The following DMRTC2 variants were observed in gnomAD, a reference collection of about 807,000 sequenced individuals.
DMRTC2 encodes doublesex- and mab-3-related transcription factor C2.
DMRTC2 carries 13 observed loss-of-function variants against 39.9 expected under a neutral mutation model. The ratio of observed to expected loss-of-function variants is 0.33; its 90% CI spans 0.21 to 0.52. The LOEUF (loss-of-function observed/expected upper bound fraction) is 0.52, where lower values mean the gene tolerates loss of function less well. Ranked by LOEUF, DMRTC2 falls within the 20% of genes least tolerant of loss-of-function variation. The pLI is 0.96. For synonymous variants in DMRTC2, 189 were observed against 185.2 expected (o/e 1.02, Z -0.17); for missense variants, 431 against 472.8 (o/e 0.91, Z 0.82).
chr19:41,848,384 G>A, intron 3 of DMRTC2, 68 bp from the exon 4 acceptor site: 1 of 1,359,344 alleles, frequency 7.4e-7, no homozygotes, highest in Non-Finnish European at 1.0e-6. Context: ...GATGAGAACT[G>A]TCTGGGGTTG....
chr19:41,852,169 GGA>G lies in DMRTC2; in HGVS notation c.*477_*478del, dbSNP rs2073964856. 6.5e-6 allele frequency: 1 copy of G among 154,600 alleles called. No homozygotes were observed. Among genetic ancestry groups the G allele is most frequent in the Non-Finnish European group, 1.4e-5 (1 of 69,692 alleles). The allele number at this position is 154,600 out of a possible 1,614,324, so 9.6% of individuals were successfully genotyped here. A position where few individuals can be genotyped will look rare whatever the true frequency, so the allele number is the denominator to read the frequency against. ...TTGTTGTTGTAAGCCACTGAGATTT[GGA>G]GAGTGTTACCACAGCCTAACCTAGT... On this transcript the variant is annotated 3_prime_UTR_variant, in exon 9 of 9. Transcript: ENST00000269945.
At chr19:41,847,192 AAAAAAAAAAAAAAG>A (rs1555836137) in intron 1 of DMRTC2, 1 of 933,816 alleles carries the variant, frequency 1.1e-6, no homozygotes, top group Non-Finnish European at 1.3e-6. Context: ...CTCAAAAAAA[AAAAAAAAAAAAAAG>A]AAAGAACACA....
chr19:41,849,350 G>T, intron 6 of DMRTC2, 94 bp downstream of exon 6: 1 of 1,527,926 alleles, frequency 6.5e-7, no homozygotes, highest in Non-Finnish European at 8.8e-7. Context: ...TAATGAAGAT[G>T]AAAAGGTCTC....
intron 6 of DMRTC2, among the ~76,000 whole-genome samples, chr19:41,850,062 A>C (rs760919613): frequency 1.3e-5 from 2 of 151,978 alleles, no homozygotes; most frequent in Non-Finnish European, 2.9e-5. Context: ...CCTAGGTGAC[A>C]GAGCAAGAGC....
intron 1 of DMRTC2, among the ~76,000 whole-genome samples, chr19:41,846,195 G>T (rs2073838229): frequency 6.6e-6 from 1 of 152,120 alleles, no homozygotes; most frequent in African/African-American, 2.4e-5. Context: ...ATTGAAAGGG[G>T]CATAAAACTA....
chr19:41,850,864 T>G, intron 8 of DMRTC2, 164 bp downstream of exon 8: 1 of 663,712 alleles, frequency 1.5e-6, no homozygotes, highest in South Asian at 2.6e-5. Context: ...TTGAGAGTTA[T>G]TCAGTGAATC....
chr19:41,848,495 G>T lies in DMRTC2; in HGVS notation c.414G>T (p.Gly138=). 6.2e-7 allele frequency: 1 copy of T among 1,604,070 alleles called. No individual in the cohort carries two copies. Among genetic ancestry groups the T allele is most frequent in the Non-Finnish European group, 8.5e-7 (1 of 1,175,346 alleles). ...NIAPQPQTPH[G]AVLLAPTPPG... The stretch of plus-strand genomic sequence containing the variant: ...CACCCCAGCCTCAGACCCCCCATGG[G>T]GCAGTCCTGCTGGCACCGACACCCC... Residue 138 remains glycine, a synonymous_variant, in exon 4 of 9, where the codon GGG becomes GGT. Coordinates refer to ENST00000269945, the MANE Select transcript of DMRTC2 (RefSeq NM_001040283.3).
At chr19:41,847,692 T>A in intron 2 of DMRTC2, 40 bp downstream of exon 2, 1 of 1,613,836 alleles carries the variant, frequency 6.2e-7, no homozygotes, top group Non-Finnish European at 8.5e-7. Context: ...ATGAGCCTCC[T>A]CCAAAGGGTG....
intron 3 of DMRTC2, 139 bp downstream of exon 3, chr19:41,848,020 G>A (rs917514487): frequency 5.9e-5 from 75 of 1,268,128 alleles, no homozygotes; most frequent in Non-Finnish European, 7.5e-5. Flanking sequence ...AGCTGTCCCA[G>A]CGTTGAGAGA....
intron 5 of DMRTC2, 48 bp downstream of exon 5, chr19:41,849,023 C>A (rs1433810235): frequency 6.2e-7 from 1 of 1,611,836 alleles, no homozygotes; most frequent in Non-Finnish European, 8.5e-7. Flanking sequence ...GAGTGCCAAT[C>A]TGCCACATAT....
Position 41,847,448 on chromosome 19 carries a change from C to T in DMRTC2, c.20C>T (p.Pro7Leu), listed in dbSNP as rs782769934. 3 of 1,576,384 alleles carry T rather than the reference C, an allele frequency of 1.9e-6. No individual in the cohort carries two copies. Among genetic ancestry groups the T allele is most frequent in the Non-Finnish European group, 2.6e-6 (3 of 1,160,338 alleles). ...AGATCCATGGAACCCAGTGACATGCCTGCTGGCTACCACTGCCCCTTAGAC... is the reference window on the plus strand; with the variant it reads ...AGATCCATGGAACCCAGTGACATGCTTGCTGGCTACCACTGCCCCTTAGAC... MEPSDM[P>L]AGYHCPLDSA... is the part of the protein sequence containing the mutation. The change falls in exon 2 of 9, where the codon CCT (proline) becomes CTT (leucine). Residue 7 changes from proline (P) to leucine (L), a missense_variant. Physicochemically the swap from Pro to Leu is moderately conservative, Grantham distance 98 (BLOSUM62 -3). Coordinates refer to ENST00000269945, the MANE Select transcript of DMRTC2 (RefSeq NM_001040283.3).
intron 2 of DMRTC2, 25 bp downstream of exon 2, chr19:41,847,677 G>A (rs1555836286): frequency 1.2e-6 from 2 of 1,613,798 alleles, no homozygotes; most frequent in East Asian, 2.2e-5. Flanking sequence ...TGGGAGGGGA[G>A]GAGGATGAGC....
intron 6 of DMRTC2, 23 bp downstream of exon 6, chr19:41,849,279 G>GT: frequency 6.2e-7 from 1 of 1,613,006 alleles, no homozygotes; most frequent in Non-Finnish European, 8.5e-7. Context: ...AGAAGGATGT[G>GT]TATCATAAGC....
intron 8 of DMRTC2, 40 bp from the exon 9 acceptor site, chr19:41,851,544 C>G (rs199861542): frequency 1.3e-6 from 2 of 1,556,576 alleles, no homozygotes; most frequent in African/African-American, 1.4e-5. Flanking sequence ...GAAGGAAAAA[C>G]AGGTGTGACC....
At chr19:41,845,418 G>C (rs1391732984) in intron 1 of DMRTC2, 2 of 152,336 alleles carry the variant, frequency 1.3e-5, no homozygotes, top group African/African-American at 2.4e-5. Flanking sequence ...GCGCAAGAGA[G>C]ACATTAGTGC....
intron 1 of DMRTC2, 144 bp from the exon 2 acceptor site, chr19:41,847,281 G>A: frequency 7.4e-7 from 1 of 1,351,528 alleles, no homozygotes; most frequent in South Asian, 2.1e-5. Flanking sequence ...GGGGTAAAGA[G>A]GGGAGAAAGC....
intron 1 of DMRTC2, among the ~76,000 whole-genome samples, chr19:41,846,849 G>C (rs957839957): frequency 6.7e-6 from 1 of 149,542 alleles, no homozygotes; most frequent in East Asian, 2.1e-4. Flanking sequence ...TTATAGGCTT[G>C]AGCCACCGCA....
At chr19:41,849,006 T>C in intron 5 of DMRTC2, 31 bp downstream of exon 5, 2 of 1,612,994 alleles carry the variant, frequency 1.2e-6, no homozygotes, top group Non-Finnish European at 1.7e-6. Context: ...TCATTCAACA[T>C]ATATTTGAGT....
In DMRTC2 at chr19:41,847,621, G is replaced by A. The variant is rs554987329; in HGVS notation, c.193G>A (p.Ala65Thr). Residue 65 changes from alanine (A) to threonine (T), a missense_variant, in exon 2 of 9, where the codon GCT (alanine) becomes ACT (threonine). Coordinates refer to ENST00000269945, the MANE Select transcript of DMRTC2 (RefSeq NM_001040283.3). ...KGHKRLCLFQ[A>T]CECHKCVLIL... is the part of the protein sequence containing the mutation. ...CCACAAGCGCCTCTGCCTCTTCCAG[G>A]CTTGCGAGTGTCACAAATGTGTCCT... The A allele has an allele frequency of 6.2e-7, 1 of 1,614,098 alleles. No individual in the cohort carries two copies. Among genetic ancestry groups the A allele is most frequent in the Non-Finnish European group, 8.5e-7 (1 of 1,180,038 alleles).
Sources: allele counts gnomAD v4.1 joint callset (sites outside exome capture counted in the v4.1 genomes callset), GRCh38; gene constraint gnomAD v4.1.1; transcripts MANE v1.5; gene names NCBI Gene and HGNC (gene_info 2026-07-23, HGNC 2026-07-21).